TIGAR: variants seen among roughly 807,000 people sequenced by gnomAD.
TIGAR encodes TP53 induced glycolysis regulatory phosphatase.
Under a neutral mutation model 17.9 loss-of-function variants are expected in TIGAR, and 7 were observed. The ratio of observed to expected loss-of-function variants is 0.39; its 90% CI spans 0.22 to 0.73. The LOEUF (loss-of-function observed/expected upper bound fraction) is 0.73. Ranked by LOEUF, TIGAR falls within the 30% of genes least tolerant of loss-of-function variation. The pLI is 0.42. For synonymous variants in TIGAR, 94 were observed against 108.6 expected, an observed-to-expected ratio of 0.87 and a Z score of 0.84; for missense variants, 258 against 327.4, an observed-to-expected ratio of 0.79 and a Z score of 1.64.
intron 1 of TIGAR, among the ~76,000 whole-genome samples, chr12:4,327,583 C>G (rs1445756047): frequency 3.3e-5 from 5 of 152,128 alleles, no homozygotes; most frequent in Non-Finnish European, 7.4e-5. Flanking sequence ...CAGGAATATA[C>G]TCTCAAATTA....
chr12:4,324,666 GC>G (rs1480678565), intron 1 of TIGAR: 1 of 1,185,676 alleles, frequency 8.4e-7, no homozygotes, highest in Non-Finnish European at 1.2e-6. Context: ...TCCGCCGCAG[GC>G]CCGGGTTCAC....
intron 3 of TIGAR, among the ~76,000 whole-genome samples, chr12:4,343,438 C>T (rs1308161782): frequency 3.3e-5 from 5 of 152,206 alleles, no homozygotes; most frequent in South Asian, 4.1e-4. Flanking sequence ...ACATTCTTCT[C>T]AGCACCACAC....
At chr12:4,336,446 G>GCACACACACACACACACACACA (rs10595001) in intron 2 of TIGAR, among the ~76,000 whole-genome samples, 11 of 138,468 alleles carry the variant, frequency 7.9e-5, no homozygotes, top group African/African-American at 3.0e-4. Context: ...CAGCAATGCA[G>GCACACACACACACACACACACA]CACACACACA....
At chr12:4,324,697 C>T (rs1864520929) in intron 1 of TIGAR, 5 of 904,994 alleles carry the variant, frequency 5.5e-6, no homozygotes, top group Non-Finnish European at 8.9e-6. Flanking sequence ...CTGGCACGCA[C>T]TGTACAGCTG....
rs1191663544 is a variant in TIGAR, at chr12:4,356,113, A to G, written c.*3422A>G. 1.3e-5 allele frequency among the ~76,000 whole-genome samples: 2 copies of G among 152,090 alleles called. No homozygotes were observed. The highest frequency in any genetic ancestry group is 2.9e-5 in the Non-Finnish European group (2 of 68,014). On this transcript the variant is annotated 3_prime_UTR_variant, in exon 6 of 6. Coordinates refer to ENST00000179259, the MANE Select transcript of TIGAR (RefSeq NM_020375.3). ...GGACCATCCTGCTTGCAATGTGGAGAGCAGGCTGTAGGGGGTGCTATAGGA... is the reference window on the plus strand; with the variant it reads ...GGACCATCCTGCTTGCAATGTGGAGGGCAGGCTGTAGGGGGTGCTATAGGA...
At chr12:4,337,284 A>G (rs1471272193) in intron 3 of TIGAR, 124 bp downstream of exon 3, 2 of 507,984 alleles carry the variant, frequency 3.9e-6, no homozygotes, top group Non-Finnish European at 6.0e-6. Flanking sequence ...CTGATGCCTC[A>G]GCCTCCCAAT....
At chr12:4,340,262 A>G (rs192024279) in intron 3 of TIGAR, among the ~76,000 whole-genome samples, 3 of 152,374 alleles carry the variant, frequency 2.0e-5, no homozygotes, top group Admixed American at 6.5e-5. Flanking sequence ...GAATATGCCA[A>G]CAATGAATAA....
chr12:4,344,366 A>G lies in TIGAR; in HGVS notation c.193-5453A>G, dbSNP rs555042340. ...AATAGAAAAAGAGGGAATCCTCCCT[A>G]ACTCATTTTATGAGGCCAGCATCAT... On this transcript the variant is annotated intron_variant, in intron 3 of 5. Transcript: ENST00000179259. Among the ~76,000 whole-genome samples the G allele has an allele frequency of 1.2e-3, 184 of 152,338 alleles. 1 individual carries two copies. Among genetic ancestry groups the G allele is most frequent in the African/African-American group, 4.4e-3 (182 of 41,574 alleles).
At position 4,357,166 on chromosome 12, in the gene TIGAR, A is replaced by G. The variant is rs1176506826; in HGVS notation, c.*4475A>G. On this transcript the variant is annotated 3_prime_UTR_variant, in exon 6 of 6. Transcript: ENST00000179259. Reference sequence around the variant, plus strand: ...CTTAGGCTTATGCAGGAAGTGCAATATTTGGCCATATCACTTAAGTACATA... The same window carrying G: ...CTTAGGCTTATGCAGGAAGTGCAATGTTTGGCCATATCACTTAAGTACATA... Among the ~76,000 whole-genome samples the G allele has an allele frequency of 2.0e-5, 3 of 152,222 alleles. No homozygotes were observed. Among genetic ancestry groups the G allele is most frequent in the Non-Finnish European group, 4.4e-5 (3 of 68,032 alleles).
intron 3 of TIGAR, among the ~76,000 whole-genome samples, chr12:4,342,429 A>G (rs1351472319): frequency 1.3e-5 from 2 of 152,308 alleles, no homozygotes; most frequent in Non-Finnish European, 2.9e-5. Context: ...CAAGATGCAT[A>G]ATTGTCAGAT....
intron 1 of TIGAR, among the ~76,000 whole-genome samples, chr12:4,323,678 G>A (rs1397931429): frequency 6.6e-6 from 1 of 152,094 alleles, no homozygotes; most frequent in Non-Finnish European, 1.5e-5. Flanking sequence ...GTTAAAACCC[G>A]GTATTTGTAG....
intron 3 of TIGAR, among the ~76,000 whole-genome samples, chr12:4,346,701 A>C (rs1318983791): frequency 6.6e-6 from 1 of 152,152 alleles, no homozygotes; most frequent in Non-Finnish European, 1.5e-5. Flanking sequence ...ACATGTATAC[A>C]TATGTAACAA....
intron 3 of TIGAR, among the ~76,000 whole-genome samples, chr12:4,338,327 A>G (rs374664908): frequency 2.3e-4 from 35 of 152,258 alleles, no homozygotes; most frequent in African/African-American, 7.7e-4. Context: ...ATGATGCCTG[A>G]ATGAAGTAGA....
Position 4,351,310 on chromosome 12 carries a change from C to T in TIGAR, c.314C>T (p.Ala105Val), listed in dbSNP as rs1161296093. The T allele has an allele frequency of 6.2e-7, 1 of 1,614,134 alleles. No individual in the cohort carries two copies. The highest frequency in any genetic ancestry group is 8.5e-7 in the Non-Finnish European group (1 of 1,180,018). Residue 105 changes from alanine to valine, a missense_variant, in exon 5 of 6, where the codon GCC becomes GTC. Ala to Val is a moderately conservative substitution (Grantham distance 64). Coordinates refer to ENST00000179259, the MANE Select transcript of TIGAR (RefSeq NM_020375.3). ...GGCAAAGCGCTAAGTGAGCTGAGGGCCATGGCCAAAGCAGCCAGGGAAGAG... is the reference window on the plus strand; with the variant it reads ...GGCAAAGCGCTAAGTGAGCTGAGGGTCATGGCCAAAGCAGCCAGGGAAGAG... ...VEGKALSELR[A>V]MAKAAREECP... is the part of the protein sequence containing the mutation.
chr12:4,356,717 A>G lies in TIGAR; in HGVS notation c.*4026A>G, dbSNP rs564667992. On this transcript the variant is annotated 3_prime_UTR_variant, in exon 6 of 6. Coordinates refer to ENST00000179259, the MANE Select transcript of TIGAR (RefSeq NM_020375.3). ...TGCAGAGTATTTTCACTGCCCTAAA[A>G]GTCCTCTGTGTTCCCTGTACTCATC... 2.0e-5 allele frequency among the ~76,000 whole-genome samples: 3 copies of G among 152,298 alleles called. No homozygotes were observed. Among genetic ancestry groups the G allele is most frequent in the East Asian group, 3.9e-4 (2 of 5,182 alleles).
intron 3 of TIGAR, among the ~76,000 whole-genome samples, chr12:4,344,322 T>G (rs552707701): frequency 6.6e-6 from 1 of 152,326 alleles, no homozygotes; most frequent in African/African-American, 2.4e-5. Context: ...GTACCATTCC[T>G]TCTGAAACTA....
intron 1 of TIGAR, chr12:4,324,593 G>A: frequency 6.3e-7 from 1 of 1,592,154 alleles, no homozygotes. Context: ...ACCACTTCCG[G>A]CTTCTCCATG....
At chr12:4,336,496 T>TCA (rs1185688220) in intron 2 of TIGAR, among the ~76,000 whole-genome samples, 2 of 103,064 alleles carry the variant, frequency 1.9e-5, no homozygotes, top group African/African-American at 7.5e-5. Context: ...ACACACACAC[T>TCA]CACACACATA....
At chr12:4,345,897 TCAAA>T (rs1864773623) in intron 3 of TIGAR, among the ~76,000 whole-genome samples, 2 of 151,828 alleles carry the variant, frequency 1.3e-5, no homozygotes, top group African/African-American at 4.8e-5. Context: ...TACAAAGAAC[TCAAA>T]CAAATTTGCA....
Sources: allele counts gnomAD v4.1 joint callset (sites outside exome capture counted in the v4.1 genomes callset), GRCh38; gene constraint gnomAD v4.1.1; transcripts MANE v1.5; gene names NCBI Gene and HGNC (gene_info 2026-07-23, HGNC 2026-07-21).